ACAP1: variants seen among roughly 807,000 people sequenced by gnomAD.
The protein encoded by ACAP1 is ArfGAP with coiled-coil, ankyrin repeat and PH domains 1.
In ACAP1, 45 loss-of-function variants were observed where a neutral mutation model predicts 98.8. The observed-to-expected ratio is 0.46, with a 90% CI of 0.36 to 0.58. ACAP1 has a LOEUF of 0.58. ACAP1 is among the 20% of genes least tolerant of loss of function. The probability of loss-of-function intolerance (pLI) is 0.00; values close to 1 mark genes in which losing one functional copy is unlikely to be tolerated. For missense variants in ACAP1, 735 were observed against 971.4 expected (o/e 0.76, Z 3.24); for synonymous variants, 362 against 375.3 (o/e 0.96, Z 0.41).
intron 17 of ACAP1, 46 bp from the exon 18 acceptor site, chr17:7,348,949 A>G: frequency 6.3e-7 from 1 of 1,577,494 alleles, no homozygotes; most frequent in Non-Finnish European, 8.7e-7. Context: ...TTTTCTTCCC[A>G]GACTCGGAGC....
intron 17 of ACAP1, 82 bp downstream of exon 17, chr17:7,348,557 G>A (rs768575338): frequency 3.6e-6 from 5 of 1,393,924 alleles, no homozygotes; most frequent in Non-Finnish European, 4.7e-6. Context: ...CACAGAGTGT[G>A]AAGCCCAGGC....
chr17:7,350,970 G>A lies in ACAP1; in HGVS notation c.2093G>A (p.Arg698Lys), dbSNP rs2143018865. The change falls in exon 21 of 22, where the codon AGG (arginine) becomes AAG (lysine). Residue 698 changes from arginine to lysine, a missense_variant. Transcript: ENST00000158762. This position sits in a 1 kb window ranked among gnomAD's most constrained non-coding sequence, Gnocchi z 4.6. ...IVTLLRLAKM[R>K]EAEAAQGQAG... ...TTCAGGCTACGACTGGCAAAGATGA[G>A]GGAGGCTGAAGCGGCCCAGGGGCAG... The A allele has an allele frequency of 6.2e-7, 1 of 1,614,174 alleles. No individual in the cohort carries two copies. Among genetic ancestry groups the A allele is most frequent in the Middle Eastern group, 1.6e-4 (1 of 6,062 alleles).
chr17:7,351,116 G>C (rs888900003), intron 21 of ACAP1, 117 bp downstream of exon 21: 4 of 1,198,760 alleles, frequency 3.3e-6, no homozygotes, highest in African/African-American at 3.0e-5. Flanking sequence ...TAACAAATGC[G>C]TATTGGGCGC....
At position 7,344,699 on chromosome 17, in the gene ACAP1, C is replaced by A; in HGVS notation, c.854+51C>A. The A allele has an allele frequency of 7.3e-7, 1 of 1,378,270 alleles. No individual in the cohort carries two copies. Among genetic ancestry groups the A allele is most frequent in the Middle Eastern group, 1.8e-4 (1 of 5,640 alleles). The allele number at this position is 1,378,270 out of a possible 1,614,324, so 85.4% of individuals were successfully genotyped here. A position where few individuals can be genotyped will look rare whatever the true frequency, so the allele number is the denominator to read the frequency against. On this transcript the variant is annotated intron_variant, in intron 10 of 21. Transcript: ENST00000158762. The surrounding 1 kb of genome is among the most constrained non-coding windows in gnomAD (Gnocchi z 4.9). Reference sequence around the variant, plus strand: ...CCCGCCCCACCCAATGATGTATTTTCGAGTGGTAATAGCACACTAAGCACT... The same window carrying A: ...CCCGCCCCACCCAATGATGTATTTTAGAGTGGTAATAGCACACTAAGCACT...
Position 7,351,435 on chromosome 17 carries a change from C to A in ACAP1, c.*40C>A, listed in dbSNP as rs752326284. 6.9e-7 allele frequency: 1 copy of A among 1,458,764 alleles called. No individual in the cohort carries two copies. The highest frequency in any genetic ancestry group is 1.2e-5 in the South Asian group (1 of 85,146). The allele number at this position is 1,458,764 out of a possible 1,614,324, so 90.4% of individuals were successfully genotyped here. ...GGCCCGCGCCTGCCTCCCTTCCCCGCCACCGGGCCCTCTGCCATTAAAGCC... is the reference window on the plus strand; with the variant it reads ...GGCCCGCGCCTGCCTCCCTTCCCCGACACCGGGCCCTCTGCCATTAAAGCC... On this transcript the variant is annotated 3_prime_UTR_variant, in exon 22 of 22. Coordinates refer to ENST00000158762, the MANE Select transcript of ACAP1 (RefSeq NM_014716.4).
At chr17:7,346,643 T>C (rs1039643923) in intron 12 of ACAP1, 152 bp downstream of exon 12, 1 of 1,144,822 alleles carries the variant, frequency 8.7e-7, no homozygotes, top group African/African-American at 1.6e-5. Context: ...TGGAAGAGGG[T>C]ACAGGGTGAT....
rs373980721 is a variant in ACAP1, at chr17:7,337,410, T to G, written c.111+41T>G. On this transcript the variant is annotated intron_variant, in intron 2 of 21. Coordinates refer to ENST00000158762, the MANE Select transcript of ACAP1 (RefSeq NM_014716.4). ...AGAGGTGACCCAGGAGTGGATTAGG[T>G]TGAGAGGGGTAGGGCCAGGGAGAAA... is the stretch of plus-strand genomic sequence containing the variant. 5.7e-6 allele frequency: 9 copies of G among 1,575,396 alleles called. No individual in the cohort carries two copies. In the African/African-American group the frequency reaches 1.2e-4, roughly 21 times the overall value.
At chr17:7,339,625 G>A (rs915103478) in intron 2 of ACAP1, among the ~76,000 whole-genome samples, 2 of 152,150 alleles carry the variant, frequency 1.3e-5, no homozygotes, top group Admixed American at 6.5e-5. Flanking sequence ...ACTGCACTCC[G>A]GCGTGGGCGA....
At chr17:7,342,632 G>A in intron 5 of ACAP1, 158 bp downstream of exon 5, 1 of 843,310 alleles carries the variant, frequency 1.2e-6, no homozygotes, top group Non-Finnish European at 1.9e-6. Flanking sequence ...GGGCACGGTG[G>A]CTCATGCCTA....
rs761916242 is a variant in ACAP1, at chr17:7,344,040, T to G, written c.670-9T>G. The G allele has an allele frequency of 4.4e-6, 7 of 1,588,964 alleles. No individual in the cohort carries two copies. The highest frequency in any genetic ancestry group is 1.3e-5 in the African/African-American group (1 of 74,232). ...CCTTGGACATCTGAGATGCCCTTCC[T>G]GTGCCCAGTTGCACCAGCTGGTCTT... is the stretch of plus-strand genomic sequence containing the variant. On this transcript the variant is annotated splice_polypyrimidine_tract_variant and intron_variant, in intron 8 of 21. Coordinates refer to ENST00000158762, the MANE Select transcript of ACAP1 (RefSeq NM_014716.4). The surrounding 1 kb of genome is among the most constrained non-coding windows in gnomAD (Gnocchi z 4.9).
At chr17:7,337,502 C>T (rs2073232617) in intron 2 of ACAP1, 133 bp downstream of exon 2, 1 of 801,050 alleles carries the variant, frequency 1.2e-6, no homozygotes, top group African/African-American at 1.7e-5. Flanking sequence ...TTGGAGACTG[C>T]AGAGAAGCAA....
In ACAP1 at chr17:7,350,286, C is replaced by T. The variant is rs1302466614; in HGVS notation, c.2072+49C>T. On this transcript the variant is annotated intron_variant, in intron 20 of 21. Coordinates refer to ENST00000158762, the MANE Select transcript of ACAP1 (RefSeq NM_014716.4). The surrounding 1 kb of genome is among the most constrained non-coding windows in gnomAD (Gnocchi z 4.6). ...GCTGGCGCTGGGACTCCCCCCACCC[C>T]CGCCCACCCACGTTCGGGCGGGCGG... The T allele has an allele frequency of 2.0e-6, 3 of 1,515,148 alleles. No homozygotes were observed. Among genetic ancestry groups the T allele is most frequent in the Non-Finnish European group, 2.7e-6 (3 of 1,099,476 alleles). The allele number at this position is 1,515,148 out of a possible 1,614,324, so 93.9% of individuals were successfully genotyped here.
rs2073326199 is a variant in ACAP1 at position 7,344,223 on chromosome 17, G to A, written c.744+100G>A. 1.5e-6 allele frequency: 2 copies of A among 1,322,262 alleles called. No individual in the cohort carries two copies. The highest frequency in any genetic ancestry group is 2.1e-6 in the Non-Finnish European group (2 of 950,242). The allele number at this position is 1,322,262 out of a possible 1,614,324, so 81.9% of individuals were successfully genotyped here. Reference sequence around the variant, plus strand: ...GGCCTGGAGTTCAAGATTAGCCTAGGCATCGTAGTGAAACTCCATCTCTAC... The same window carrying A: ...GGCCTGGAGTTCAAGATTAGCCTAGACATCGTAGTGAAACTCCATCTCTAC... On this transcript the variant is annotated intron_variant, in intron 9 of 21. Transcript: ENST00000158762. This position sits in a 1 kb window ranked among gnomAD's most constrained non-coding sequence, Gnocchi z 4.9.
In ACAP1 at chr17:7,336,743, C is replaced by A; in HGVS notation, c.9C>A (p.Val3=). 6.2e-7 allele frequency: 1 copy of A among 1,613,908 alleles called. No individual in the cohort carries two copies. Among genetic ancestry groups the A allele is most frequent in the South Asian group, 1.1e-5 (1 of 91,064 alleles). MT[V]KLDFEECLKD... is the part of the protein sequence containing the mutation. ...ACAGCAGGCAAGCTGAGATGACGGT[C>A]AAGCTGGATTTCGAGGAGTGTCTCA... The change falls in exon 1 of 22, where the codon GTC becomes GTA. Residue 3 remains valine, a synonymous_variant. Transcript: ENST00000158762.
intron 10 of ACAP1, 167 bp from the exon 11 acceptor site, chr17:7,346,077 G>A (rs918809664): frequency 1.2e-4 from 84 of 694,092 alleles, no homozygotes; most frequent in Non-Finnish European, 1.3e-4. Flanking sequence ...GCATCCTTTA[G>A]ATGTTCCAAT....
rs2073306676 is a variant in ACAP1, at chr17:7,343,091, C to A, written c.345-288C>A. ...CAAGACCCGGTCTCAAAAACAAAAACAACAACAACAACAAAAATTTTTTAA... is the reference window on the plus strand; with the variant it reads ...CAAGACCCGGTCTCAAAAACAAAAAAAACAACAACAACAAAAATTTTTTAA... On this transcript the variant is annotated intron_variant, in intron 5 of 21. Coordinates refer to ENST00000158762, the MANE Select transcript of ACAP1 (RefSeq NM_014716.4). The surrounding 1 kb of genome is among the most constrained non-coding windows in gnomAD (Gnocchi z 4.9). The A allele has an allele frequency of 3.0e-6, 1 of 338,916 alleles. No homozygotes were observed. Among genetic ancestry groups the A allele is most frequent in the East Asian group, 5.2e-5 (1 of 19,206 alleles). The allele number at this position is 338,916 out of a possible 1,614,324, so 21.0% of individuals were successfully genotyped here.
rs2073400898 is a variant in ACAP1, at chr17:7,350,864, C to CT, written c.2073-86_2073-85insT. 6 of 1,336,082 alleles carry CT rather than the reference C, an allele frequency of 4.5e-6. No homozygotes were observed. The highest frequency in any genetic ancestry group is 6.4e-6 in the Non-Finnish European group (6 of 931,066). The allele number at this position is 1,336,082 out of a possible 1,614,324, so 82.8% of individuals were successfully genotyped here. A position where few individuals can be genotyped will look rare whatever the true frequency, so the allele number is the denominator to read the frequency against. On this transcript the variant is annotated intron_variant, in intron 20 of 21. Transcript: ENST00000158762. This position sits in a 1 kb window ranked among gnomAD's most constrained non-coding sequence, Gnocchi z 4.6. ...TGACCTCGTGATCCGCCTGCCTCGGCCTCCCAAAGTGTTGGGATTACAGGC... is the reference window on the plus strand; with the variant it reads ...TGACCTCGTGATCCGCCTGCCTCGGCTCTCCCAAAGTGTTGGGATTACAGGC...
chr17:7,336,679 G>A lies in ACAP1; in HGVS notation c.-56G>A. The A allele has an allele frequency of 1.3e-6, 2 of 1,598,028 alleles. No individual in the cohort carries two copies. Among genetic ancestry groups the A allele is most frequent in the Non-Finnish European group, 1.7e-6 (2 of 1,166,174 alleles). ...CCTGGGACAGAAAGTGCCTCCACCTGCATCCCCAGGGGCCCGGCCTCCAGG... is the reference window on the plus strand; with the variant it reads ...CCTGGGACAGAAAGTGCCTCCACCTACATCCCCAGGGGCCCGGCCTCCAGG... On this transcript the variant is annotated 5_prime_UTR_variant, in exon 1 of 22. Transcript: ENST00000158762.
Position 7,347,070 on chromosome 17 carries a change from G to A in ACAP1, c.1171G>A (p.Gly391Ser). Residue 391 changes from glycine (G) to serine (S), a missense_variant, in exon 14 of 22, where the codon GGC (glycine) becomes AGC (serine). Coordinates refer to ENST00000158762, the MANE Select transcript of ACAP1 (RefSeq NM_014716.4). ...HLAIGSAATL[G>S]SGGMARGREP... Reference sequence around the variant, plus strand: ...GGCCATAGGCTCTGCTGCCACCCTGGGCTCTGGTGGAATGGCCAGGGGAAG... The same window carrying A: ...GGCCATAGGCTCTGCTGCCACCCTGAGCTCTGGTGGAATGGCCAGGGGAAG... 1 of 1,609,984 alleles carries A rather than the reference G, an allele frequency of 6.2e-7. No homozygotes were observed. Among genetic ancestry groups the A allele is most frequent in the Non-Finnish European group, 8.5e-7 (1 of 1,177,464 alleles).
Sources: gnomAD v4.1 joint callset for allele counts (sites outside exome capture counted in the v4.1 genomes callset) on GRCh38, gnomAD v4.1.1 for gene constraint, Gnocchi (gnomAD v3.1) non-coding constraint, MANE v1.5 for transcripts, NCBI Gene and HGNC (gene_info 2026-07-23, HGNC 2026-07-21) for gene names.